Variants in RPS6KC1 observed in about 807,000 individuals in gnomAD.
RPS6KC1 encodes the protein ribosomal protein S6 kinase C1.
A neutral mutation model predicts 103.8 loss-of-function variants in RPS6KC1; 54 were observed. The observed-to-expected ratio is 0.52, with a 90% CI of 0.42 to 0.65. The LOEUF is 0.65. Ranked by LOEUF, RPS6KC1 falls within the 30% of genes least tolerant of loss-of-function variation. The pLI, the probability that RPS6KC1 is intolerant of heterozygous loss-of-function variation, is 0.00. For synonymous variants in RPS6KC1, 439 were observed against 438.7 expected, an observed-to-expected ratio of 1.00 and a Z score of -0.01; for missense variants, 1,151 against 1,253.8, an observed-to-expected ratio of 0.92 and a Z score of 1.24.
chr1:213,376,084 CTGTGTGTGTGTGTGTGTG>C, the RPS6KC1 span, among the ~76,000 whole-genome samples: 389 of 140,332 alleles, frequency 2.8e-3, 1 homozygote, highest in African/African-American at 8.1e-3. Flanking sequence ...CTCGTGACAA[CTGTGTGTGTGTGTGTGTG>C]TGTGTGTGTG....
chr1:213,186,469 A>C (rs2092537539), intron 8 of RPS6KC1, among the ~76,000 whole-genome samples: 1 of 151,898 alleles, frequency 6.6e-6, no homozygotes, highest in Middle Eastern at 3.4e-3. Context: ...GAGGTCCTTT[A>C]TATGTTATTT....
the RPS6KC1 span, among the ~76,000 whole-genome samples, chr1:213,698,560 C>T: frequency 6.6e-6 from 1 of 152,130 alleles, no homozygotes; most frequent in Non-Finnish European, 1.5e-5. Context: ...CTAAAGTAGT[C>T]TCAATCTTTG....
intron 8 of RPS6KC1, among the ~76,000 whole-genome samples, chr1:213,212,352 G>C (rs1045418459): frequency 6.6e-6 from 1 of 152,000 alleles, no homozygotes; most frequent in Admixed American, 6.6e-5. Flanking sequence ...AGCCTTTTCA[G>C]ATTGGCTTTC....
At chr1:213,445,029 C>G in the RPS6KC1 span, among the ~76,000 whole-genome samples, 1 of 152,144 alleles carries the variant, frequency 6.6e-6, no homozygotes, top group Non-Finnish European at 1.5e-5. Context: ...TCTTTTCCTG[C>G]AGCCTTTAGC....
At chr1:213,831,756 T>C in the RPS6KC1 span, among the ~76,000 whole-genome samples, 2 of 152,206 alleles carry the variant, frequency 1.3e-5, no homozygotes, top group Non-Finnish European at 2.9e-5. Context: ...TTCATGAGGA[T>C]GTTATGGTAA....
the RPS6KC1 span, among the ~76,000 whole-genome samples, chr1:213,724,016 T>C: frequency 1.3e-5 from 2 of 151,756 alleles, no homozygotes; most frequent in Middle Eastern, 3.2e-3. Context: ...ATGAAGGGAG[T>C]GCACTGAGGA....
At chr1:213,087,511 G>C (rs1425440611) in intron 3 of RPS6KC1, among the ~76,000 whole-genome samples, 1 of 152,164 alleles carries the variant, frequency 6.6e-6, no homozygotes, top group African/African-American at 2.4e-5. Context: ...TTAATGGGTA[G>C]GATTCTTTCA....
chr1:213,243,799 A>G (rs149176111), intron 12 of RPS6KC1, among the ~76,000 whole-genome samples: 2 of 152,268 alleles, frequency 1.3e-5, no homozygotes, highest in African/African-American at 2.4e-5. Context: ...GTGTTGATCA[A>G]TATAGTATTT....
At chr1:213,477,691 A>G in the RPS6KC1 span, among the ~76,000 whole-genome samples, 7,557 of 152,264 alleles carry the variant, frequency 0.05, 607 homozygotes, top group African/African-American at 0.17. Flanking sequence ...AGAAATGTTA[A>G]CACTTTTCGT....
the RPS6KC1 span, among the ~76,000 whole-genome samples, chr1:213,736,127 C>T: frequency 7.2e-5 from 11 of 152,192 alleles, no homozygotes; most frequent in Non-Finnish European, 1.3e-4. Flanking sequence ...TTTGAAAAGA[C>T]CTTGTAAAGT....
intron 13 of RPS6KC1, among the ~76,000 whole-genome samples, chr1:213,262,442 A>C (rs1053022096): frequency 1.3e-5 from 2 of 152,214 alleles, no homozygotes; most frequent in African/African-American, 4.8e-5. Context: ...GTATAATTTA[A>C]GCTTTTCTAT....
At chr1:213,744,327 A>G in the RPS6KC1 span, among the ~76,000 whole-genome samples, 1 of 152,240 alleles carries the variant, frequency 6.6e-6, no homozygotes, top group African/African-American at 2.4e-5. Context: ...AAAAACCTCT[A>G]TCAGCCTCTA....
the RPS6KC1 span, among the ~76,000 whole-genome samples, chr1:213,559,730 C>T: frequency 6.6e-6 from 1 of 152,130 alleles, no homozygotes; most frequent in East Asian, 1.9e-4. Context: ...TAATGCAAGC[C>T]TCTTCTATGT....
Position 213,176,435 on chromosome 1 carries a change from C to A in RPS6KC1, c.987C>A (p.Asn329Lys). Reference sequence around the variant, plus strand: ...CACTAAGTTCAAGGCCCCTTTGGAACCTAAGGAGCCCTGCCGAGGAGCTGA... The same window carrying A: ...CACTAAGTTCAAGGCCCCTTTGGAAACTAAGGAGCCCTGCCGAGGAGCTGA... Reference protein sequence around the residue: ...PGSLSSRPLWNLRSPAEELKA... With the variant: ...PGSLSSRPLWKLRSPAEELKA... The change falls in exon 8 of 15, where the codon AAC becomes AAA. Residue 329 changes from asparagine (N) to lysine (K), a missense_variant. By Grantham distance (94) the Asn-to-Lys change is moderately conservative. This residue lies in a region of RPS6KC1 where 959 missense variants were observed against 1,006.3 expected (regional missense o/e 0.95). Transcript: ENST00000366960. The A allele has an allele frequency of 6.2e-7, 1 of 1,609,126 alleles. No individual in the cohort carries two copies. The highest frequency in any genetic ancestry group is 8.5e-7 in the Non-Finnish European group (1 of 1,176,362).
At chr1:213,097,799 CTT>C (rs1472479195) in intron 3 of RPS6KC1, among the ~76,000 whole-genome samples, 8 of 152,222 alleles carry the variant, frequency 5.3e-5, no homozygotes, top group African/African-American at 1.9e-4. Context: ...TCACCTTGCA[CTT>C]TTATGTTACG....
At chr1:213,409,769 T>C in the RPS6KC1 span, among the ~76,000 whole-genome samples, 1 of 152,192 alleles carries the variant, frequency 6.6e-6, no homozygotes, top group African/African-American at 2.4e-5. Flanking sequence ...CAGGAACTGT[T>C]GAAATATATA....
the RPS6KC1 span, among the ~76,000 whole-genome samples, chr1:213,765,134 AC>A: frequency 6.6e-6 from 1 of 152,168 alleles, no homozygotes; most frequent in African/African-American, 2.4e-5. Flanking sequence ...GTGGATCCCA[AC>A]CCTGTTTAAG....
chr1:213,112,513 T>C (rs1483521271), intron 4 of RPS6KC1, among the ~76,000 whole-genome samples: 1 of 151,728 alleles, frequency 6.6e-6, no homozygotes, highest in Admixed American at 6.6e-5. Context: ...TTTTTTGTTT[T>C]ACCTATATTG....
intron 1 of RPS6KC1, among the ~76,000 whole-genome samples, chr1:213,060,033 G>A (rs898342924): frequency 1.1e-4 from 17 of 152,034 alleles, no homozygotes; most frequent in African/African-American, 4.1e-4. Flanking sequence ...GGCCAGGCTG[G>A]TCTCTAACTC....
Sources: gnomAD v4.1 joint callset for allele counts (sites outside exome capture counted in the v4.1 genomes callset) on GRCh38, gnomAD v4.1.1 for gene constraint, gnomAD v4.1.1 regional missense constraint, MANE v1.5 for transcripts, NCBI Gene and HGNC (gene_info 2026-07-23, HGNC 2026-07-21) for gene names.